GPC5: variants seen among roughly 807,000 people sequenced by gnomAD.
GPC5 encodes the protein glypican 5.
Under a neutral mutation model 53.9 loss-of-function variants are expected in GPC5, and 47 were observed. That is an observed-to-expected ratio of 0.87 (90% confidence interval 0.69 to 1.11). GPC5 has a LOEUF of 1.11. GPC5 is among the 50% of genes most tolerant of loss of function. GPC5 has a pLI of 0.00. For synonymous variants in GPC5, 286 were observed against 263.3 expected, an observed-to-expected ratio of 1.09 and a Z score of -0.84; for missense variants, 748 against 713.1, an observed-to-expected ratio of 1.05 and a Z score of -0.56.
In GPC5 at chr13:91,917,538, A is replaced by G. The variant is rs80280997; in HGVS notation, c.1401+9481A>G. 1.1e-4 allele frequency among the ~76,000 whole-genome samples: 17 copies of G among 152,312 alleles called. No individual in the cohort carries two copies. In the East Asian group the frequency reaches 3.3e-3, roughly 29 times the overall value. On this transcript the variant is annotated intron_variant, in intron 6 of 7. Transcript: ENST00000377067. The stretch of plus-strand genomic sequence containing the variant: ...ACAGCTCCACTAGTCAGTGCCCCAG[A>G]GGAGATTCTGTTTGGGGGTTCAACC...
At chr13:91,879,169 G>A (rs1167584171) in intron 5 of GPC5, among the ~76,000 whole-genome samples, 2 of 151,818 alleles carry the variant, frequency 1.3e-5, no homozygotes, top group Admixed American at 1.3e-4. Flanking sequence ...TTTAAGTTCT[G>A]GGATACATGT....
chr13:92,170,301 G>C (rs1178253600), intron 7 of GPC5, among the ~76,000 whole-genome samples: 2 of 150,978 alleles, frequency 1.3e-5, no homozygotes, highest in African/African-American at 4.9e-5. Flanking sequence ...AATTGATATT[G>C]CTGTATATTT....
At chr13:92,253,249 C>T (rs565162933) in intron 7 of GPC5, among the ~76,000 whole-genome samples, 1 of 152,068 alleles carries the variant, frequency 6.6e-6, no homozygotes, top group South Asian at 2.1e-4. Flanking sequence ...GCGTTTTAAC[C>T]AGACTAGACA....
intron 6 of GPC5, among the ~76,000 whole-genome samples, chr13:92,009,172 C>T (rs895716141): frequency 1.3e-5 from 2 of 151,284 alleles, no homozygotes; most frequent in Admixed American, 6.6e-5. Context: ...TAAGAGTTCA[C>T]TTTTTTCTTC....
chr13:91,931,368 T>G (rs2039819932), intron 6 of GPC5, among the ~76,000 whole-genome samples: 1 of 151,984 alleles, frequency 6.6e-6, no homozygotes, highest in Admixed American at 6.6e-5. Context: ...AAATGTATAA[T>G]TTTAGGATGG....
At chr13:92,465,706 T>G (rs912630433) in intron 7 of GPC5, among the ~76,000 whole-genome samples, 1 of 152,084 alleles carries the variant, frequency 6.6e-6, no homozygotes, top group African/African-American at 2.4e-5. Flanking sequence ...TCATTTTGAT[T>G]TCATTTCAGC....
At chr13:92,507,523 A>G (rs918679658) in intron 7 of GPC5, among the ~76,000 whole-genome samples, 74 of 152,216 alleles carry the variant, frequency 4.9e-4, no homozygotes, top group Non-Finnish European at 9.6e-4. Context: ...AATAGATGAA[A>G]TCCCTTCTCA....
intron 6 of GPC5, among the ~76,000 whole-genome samples, chr13:91,974,542 C>T (rs1232156582): frequency 6.6e-6 from 1 of 151,878 alleles, no homozygotes. Context: ...GAATAAAATA[C>T]CTAGGAATCC....
intron 7 of GPC5, among the ~76,000 whole-genome samples, chr13:92,362,538 G>A (rs1358416457): frequency 6.6e-6 from 1 of 151,696 alleles, no homozygotes; most frequent in African/African-American, 2.4e-5. Flanking sequence ...CCAGTTACCT[G>A]TCTCAGTTAT....
intron 6 of GPC5, among the ~76,000 whole-genome samples, chr13:91,988,224 A>G (rs1157276119): frequency 6.6e-6 from 1 of 152,002 alleles, no homozygotes; most frequent in Admixed American, 6.6e-5. Flanking sequence ...AAGATTACAG[A>G]GGCATCAGGT....
Position 92,461,716 on chromosome 13 carries a change from G to A in GPC5, c.1561+316727G>A, listed in dbSNP as rs185606731. On this transcript the variant is annotated intron_variant, in intron 7 of 7. Transcript: ENST00000377067. ...CTCCTTTCTCTGCTTTCCACTTCAT[G>A]AGCACACAACAGGATGATGCCAACT... Among the ~76,000 whole-genome samples, 257 of 152,302 alleles carry A rather than the reference G, an allele frequency of 1.7e-3. 1 individual carries two copies. The highest frequency in any genetic ancestry group is 3.3e-3 in the Admixed American group (51 of 15,294).
intron 2 of GPC5, among the ~76,000 whole-genome samples, chr13:91,624,908 C>T (rs1022050736): frequency 4.2e-4 from 63 of 151,388 alleles, no homozygotes; most frequent in African/African-American, 1.4e-3. Context: ...CTCTGAGGAA[C>T]AATTTCAGTC....
chr13:92,659,545 G>T (rs2139182619), intron 7 of GPC5, among the ~76,000 whole-genome samples: 1 of 151,970 alleles, frequency 6.6e-6, no homozygotes, highest in East Asian at 1.9e-4. Flanking sequence ...CTAGATGTGT[G>T]TGTTATATAG....
intron 2 of GPC5, among the ~76,000 whole-genome samples, chr13:91,550,641 T>A (rs935019921): frequency 3.9e-5 from 6 of 152,218 alleles, no homozygotes; most frequent in Admixed American, 6.5e-5. Context: ...TGTAGTTCAT[T>A]AAGAAGTAGC....
In GPC5 at chr13:92,127,400, T is replaced by C. The variant is rs182004680; in HGVS notation, c.1402-17430T>C. Among the ~76,000 whole-genome samples the C allele has an allele frequency of 1.2e-4, 18 of 152,172 alleles. 1 individual carries two copies. In the East Asian group the frequency reaches 3.5e-3, roughly 29 times the overall value. ...AATATTAGCTTTTTTAAAGTATGAA[T>C]TGAACTTATACAGGGTAAAAAAAAA... On this transcript the variant is annotated intron_variant, in intron 6 of 7. Transcript: ENST00000377067.
intron 7 of GPC5, among the ~76,000 whole-genome samples, chr13:92,746,371 G>C (rs1329344559): frequency 6.6e-6 from 1 of 152,058 alleles, no homozygotes; most frequent in Non-Finnish European, 1.5e-5. Flanking sequence ...AAGGTTTTTG[G>C]AAATTTAGAG....
At chr13:91,399,569 C>T (rs1425273850) in intron 1 of GPC5, among the ~76,000 whole-genome samples, 2 of 152,202 alleles carry the variant, frequency 1.3e-5, no homozygotes, top group Non-Finnish European at 2.9e-5. Flanking sequence ...CAGTGCCCCA[C>T]CGGGGATTTC....
chr13:92,241,365 A>C (rs1023626680), intron 7 of GPC5: 1 of 152,196 alleles, frequency 6.6e-6, no homozygotes, highest in East Asian at 1.9e-4. Context: ...GTTGAGATGT[A>C]ATATTATTTG....
At chr13:91,645,093 A>C (rs2034527178) in intron 2 of GPC5, among the ~76,000 whole-genome samples, 2 of 152,218 alleles carry the variant, frequency 1.3e-5, no homozygotes, top group South Asian at 4.1e-4. Flanking sequence ...CACTTGTTGC[A>C]TGACCTTGCC....
Sources: gnomAD v4.1 joint callset for allele counts (sites outside exome capture counted in the v4.1 genomes callset) on GRCh38, gnomAD v4.1.1 for gene constraint, MANE v1.5 for transcripts, NCBI Gene and HGNC (gene_info 2026-07-23, HGNC 2026-07-21) for gene names.